The following ZNRF3 variants were observed in gnomAD, a reference collection of about 807,000 sequenced individuals.
The protein encoded by ZNRF3 is E3 ubiquitin-protein ligase ZNRF3.
Under a neutral mutation model 72.5 loss-of-function variants are expected in ZNRF3, and 23 were observed. The ratio of observed to expected loss-of-function variants is 0.32; its 90% confidence interval spans 0.23 to 0.45. The LOEUF (loss-of-function observed/expected upper bound fraction) is 0.45. Among genes scored for constraint, ZNRF3 ranks in the 20% least tolerant of loss-of-function variants. The pLI, the probability that ZNRF3 is intolerant of heterozygous loss-of-function variation, is 1.00. For synonymous variants in ZNRF3, 610 were observed against 545.3 expected, an observed-to-expected ratio of 1.12 and a Z score of -1.65; for missense variants, 1,169 against 1,272.1, an observed-to-expected ratio of 0.92 and a Z score of 1.23.
chr22:28,901,673 C>CT (rs1268280466), intron 1 of ZNRF3, among the ~76,000 whole-genome samples: 2 of 129,390 alleles, frequency 1.5e-5, no homozygotes, highest in African/African-American at 5.8e-5. Flanking sequence ...GAGTCTTGCT[C>CT]TCTCACTCAG....
chr22:29,044,226 AG>A (rs2037019039), intron 4 of ZNRF3, among the ~76,000 whole-genome samples: 1 of 152,168 alleles, frequency 6.6e-6, no homozygotes, highest in South Asian at 2.1e-4. Flanking sequence ...GGAGGCAGTG[AG>A]GAAAAGGTAA....
intron 1 of ZNRF3, among the ~76,000 whole-genome samples, chr22:28,889,367 C>T (rs976878176): frequency 2.6e-5 from 4 of 152,088 alleles, no homozygotes; most frequent in Admixed American, 2.0e-4. Context: ...CCCCTCTATA[C>T]CCACAAGGAA....
chr22:29,033,300 A>G (rs1435877109), intron 2 of ZNRF3, among the ~76,000 whole-genome samples: 2 of 149,746 alleles, frequency 1.3e-5, no homozygotes, highest in African/African-American at 2.4e-5. Flanking sequence ...GCAGTGAGCT[A>G]AGATTGTGCC....
chr22:28,908,507 A>G (rs1342297564), intron 1 of ZNRF3, among the ~76,000 whole-genome samples: 1 of 152,174 alleles, frequency 6.6e-6, no homozygotes, highest in African/African-American at 2.4e-5. Context: ...AGAGGGTTGA[A>G]TTAGTAACCA....
chr22:29,028,407 T>C (rs1051747441), intron 2 of ZNRF3, among the ~76,000 whole-genome samples: 11 of 152,120 alleles, frequency 7.2e-5, no homozygotes, highest in African/African-American at 2.7e-4. Context: ...TAAAGGGAAA[T>C]TTCAAGAGAA....
intron 1 of ZNRF3, among the ~76,000 whole-genome samples, chr22:28,963,090 C>T (rs2035393618): frequency 6.6e-6 from 1 of 152,314 alleles, no homozygotes; most frequent in African/African-American, 2.4e-5. Flanking sequence ...CTACTGTGAA[C>T]AGGATGCAAA....
chr22:28,966,437 A>C (rs2035460588), intron 1 of ZNRF3, among the ~76,000 whole-genome samples: 1 of 152,218 alleles, frequency 6.6e-6, no homozygotes, highest in African/African-American at 2.4e-5. Context: ...AAATAGTCCC[A>C]GGCAGGTCCT....
At chr22:28,970,741 T>C (rs1042167376) in intron 1 of ZNRF3, among the ~76,000 whole-genome samples, 3 of 152,212 alleles carry the variant, frequency 2.0e-5, no homozygotes, top group Admixed American at 2.0e-4. Flanking sequence ...TCCAGGGTTC[T>C]TCCCTTCCCC....
At chr22:28,926,850 G>A (rs865956051) in intron 1 of ZNRF3, among the ~76,000 whole-genome samples, 5 of 151,506 alleles carry the variant, frequency 3.3e-5, no homozygotes, top group Non-Finnish European at 5.9e-5. Flanking sequence ...GGCTGGGCGC[G>A]GTAGCTCACA....
chr22:29,045,026 T>C, intron 5 of ZNRF3, 136 bp downstream of exon 5: 1 of 658,568 alleles, frequency 1.5e-6, no homozygotes, highest in Non-Finnish European at 2.7e-6. Context: ...CTCTGCAGCC[T>C]GTTCCCAGTG....
intron 1 of ZNRF3, among the ~76,000 whole-genome samples, chr22:28,943,719 G>GT (rs2034994025): frequency 6.6e-6 from 1 of 152,064 alleles, no homozygotes; most frequent in Admixed American, 6.5e-5. Context: ...CACTTTCCAA[G>GT]TGTTTGTGTG....
At chr22:29,021,917 T>C (rs964932686) in intron 2 of ZNRF3, among the ~76,000 whole-genome samples, 35 of 152,042 alleles carry the variant, frequency 2.3e-4, no homozygotes, top group African/African-American at 8.2e-4. Flanking sequence ...CACACACCCA[T>C]TAAACCATCA....
chr22:29,036,814 GA>G (rs895709517), intron 2 of ZNRF3, among the ~76,000 whole-genome samples: 10 of 149,998 alleles, frequency 6.7e-5, no homozygotes, highest in African/African-American at 1.2e-4. Context: ...TAGTGTGTAG[GA>G]AAAAAAAATC....
In ZNRF3 at chr22:29,049,438, C is replaced by T; in HGVS notation, c.1257C>T (p.Tyr419=). 6.2e-7 allele frequency: 1 copy of T among 1,605,998 alleles called. No homozygotes were observed. ...AGACCCCCGCCTACATCCGCAGCTACCCACCCCTCCACCTGGACCACAGCC... is the reference window on the plus strand; with the variant it reads ...AGACCCCCGCCTACATCCGCAGCTATCCACCCCTCCACCTGGACCACAGCC... ...SPQTPAYIRS[Y]PPLHLDHSLA... Residue 419 remains tyrosine, a synonymous_variant, in exon 8 of 9, where the codon TAC becomes TAT. Transcript: ENST00000544604. This position sits in a 1 kb window ranked among gnomAD's most constrained non-coding sequence, Gnocchi z 5.2.
intron 2 of ZNRF3, among the ~76,000 whole-genome samples, chr22:29,014,467 C>G (rs894415562): frequency 6.6e-6 from 1 of 152,144 alleles, no homozygotes; most frequent in African/African-American, 2.4e-5. Flanking sequence ...TGCAGCTGCT[C>G]AGAAGCTAGG....
chr22:28,967,822 G>T (rs1041998573), intron 1 of ZNRF3, among the ~76,000 whole-genome samples: 1 of 151,758 alleles, frequency 6.6e-6, no homozygotes, highest in Non-Finnish European at 1.5e-5. Context: ...CTACTCAGGT[G>T]GCTGAGGCAG....
intron 1 of ZNRF3, among the ~76,000 whole-genome samples, chr22:28,975,651 C>T (rs544197859): frequency 3.9e-5 from 6 of 152,028 alleles, no homozygotes; most frequent in Middle Eastern, 3.4e-3. Flanking sequence ...GCAGGAGAAT[C>T]GCTTGAACCT....
chr22:29,020,631 T>C (rs142464182), intron 2 of ZNRF3, among the ~76,000 whole-genome samples: 171 of 152,118 alleles, frequency 1.1e-3, no homozygotes, highest in African/African-American at 3.7e-3. Flanking sequence ...TGAAACCCAC[T>C]GATAAGGAGG....
intron 1 of ZNRF3, among the ~76,000 whole-genome samples, chr22:28,949,478 C>A (rs1246759253): frequency 6.6e-6 from 1 of 151,922 alleles, no homozygotes; most frequent in Non-Finnish European, 1.5e-5. Context: ...GGGGTTTCAC[C>A]ATGTTGCCCA....
Sources: allele counts gnomAD v4.1 joint callset (sites outside exome capture counted in the v4.1 genomes callset), GRCh38; gene constraint gnomAD v4.1.1; non-coding constraint Gnocchi (gnomAD v3.1); transcripts MANE v1.5; gene names NCBI Gene and HGNC (gene_info 2026-07-23, HGNC 2026-07-21).